The following DLGAP4 variants were observed in gnomAD, a reference collection of about 807,000 sequenced individuals.
The protein encoded by DLGAP4 is disks large-associated protein 4.
A neutral mutation model predicts 86.9 loss-of-function variants in DLGAP4; 18 were observed. The observed-to-expected ratio is 0.21, with a 90% CI of 0.14 to 0.31. The LOEUF (loss-of-function observed/expected upper bound fraction) is 0.31, where lower values mean the gene tolerates loss of function less well. DLGAP4 is among the 10% of genes least tolerant of loss of function. The pLI, the probability that DLGAP4 is intolerant of heterozygous loss-of-function variation, is 1.00. For synonymous variants in DLGAP4, 548 were observed against 574.3 expected, an observed-to-expected ratio of 0.95 and a Z score of 0.65; for missense variants, 1,085 against 1,362.6, an observed-to-expected ratio of 0.80 and a Z score of 3.21.
At chr20:36,508,444 T>C (rs892896013) in intron 10 of DLGAP4, among the ~76,000 whole-genome samples, 1 of 148,244 alleles carries the variant, frequency 6.7e-6, no homozygotes, top group African/African-American at 2.5e-5. Flanking sequence ...TTTTTTTTTT[T>C]TGAGATGGAG....
At chr20:36,438,977 G>A (rs2033369607) in intron 4 of DLGAP4, among the ~76,000 whole-genome samples, 1 of 152,134 alleles carries the variant, frequency 6.6e-6, no homozygotes. Flanking sequence ...ACCCCTTCTA[G>A]TACGGAGATC....
chr20:36,462,105 C>T (rs2034111097), intron 7 of DLGAP4: 2 of 998,718 alleles, frequency 2.0e-6, no homozygotes, highest in Non-Finnish European at 2.4e-6. Flanking sequence ...GTCTCGCCTC[C>T]TCTGAACCCC....
intron 1 of DLGAP4, among the ~76,000 whole-genome samples, chr20:36,320,768 C>T (rs2065160198): frequency 6.6e-6 from 1 of 152,094 alleles, no homozygotes; most frequent in African/African-American, 2.4e-5. Flanking sequence ...GAGACAGAGG[C>T]CTGGCCCTCT....
intron 1 of DLGAP4, among the ~76,000 whole-genome samples, chr20:36,349,681 C>T (rs2030079636): frequency 6.6e-6 from 1 of 152,088 alleles, no homozygotes; most frequent in African/African-American, 2.4e-5. Context: ...ATGGATATGA[C>T]GTGCCCAGCA....
At chr20:36,520,668 G>A (rs1310762772) in intron 10 of DLGAP4, among the ~76,000 whole-genome samples, 3 of 151,618 alleles carry the variant, frequency 2.0e-5, no homozygotes, top group African/African-American at 7.3e-5. Context: ...AGTGTCCTTC[G>A]ATGCATAAAA....
intron 2 of DLGAP4, among the ~76,000 whole-genome samples, chr20:36,398,013 C>G (rs2032049453): frequency 6.6e-6 from 1 of 152,130 alleles, no homozygotes; most frequent in Non-Finnish European, 1.5e-5. Flanking sequence ...CCCAGCTACT[C>G]AGGAGGCTGA....
intron 1 of DLGAP4, among the ~76,000 whole-genome samples, chr20:36,310,315 T>C (rs2147329881): frequency 6.6e-6 from 1 of 152,262 alleles, no homozygotes; most frequent in Admixed American, 6.5e-5. Flanking sequence ...CTGAGGGTTA[T>C]GTGTCCTTCT....
chr20:36,526,598 G>A (rs183114297), intron 12 of DLGAP4, among the ~76,000 whole-genome samples: 1 of 151,982 alleles, frequency 6.6e-6, no homozygotes, highest in African/African-American at 2.4e-5. Flanking sequence ...GAGCGCTCTC[G>A]GAGTCTAGGC....
Position 36,489,908 on chromosome 20 carries a change from G to A in DLGAP4, c.1649-6797G>A, listed in dbSNP as rs189054367. Reference sequence around the variant, plus strand: ...GAGTCTTGCTCTGTCACCCAGGCTGGAGTGCAGTGGCGCAATCCTGGCTCA... The same window carrying A: ...GAGTCTTGCTCTGTCACCCAGGCTGAAGTGCAGTGGCGCAATCCTGGCTCA... On this transcript the variant is annotated intron_variant, in intron 7 of 12. Transcript: ENST00000339266. 1.8e-3 allele frequency among the ~76,000 whole-genome samples: 268 copies of A among 148,098 alleles called. 1 individual carries two copies. The highest frequency in any genetic ancestry group is 6.5e-3 in the African/African-American group (260 of 39,800).
intron 7 of DLGAP4, among the ~76,000 whole-genome samples, chr20:36,491,854 A>G (rs1245119833): frequency 6.6e-6 from 1 of 152,158 alleles, no homozygotes; most frequent in East Asian, 1.9e-4. Flanking sequence ...AATTATTGAG[A>G]GCCTTTGTGC....
chr20:36,479,921 T>TGCCCA (rs1337015439), intron 7 of DLGAP4, among the ~76,000 whole-genome samples: 9 of 152,068 alleles, frequency 5.9e-5, no homozygotes, highest in African/African-American at 1.9e-4. Context: ...GGGCCTGGGA[T>TGCCCA]TGGGCAGCAG....
intron 2 of DLGAP4, among the ~76,000 whole-genome samples, chr20:36,420,528 C>T (rs763450966): frequency 6.6e-6 from 1 of 152,238 alleles, no homozygotes; most frequent in South Asian, 2.1e-4. Flanking sequence ...GAAATGAGGT[C>T]GGGAAAGCCA....
At chr20:36,334,268 G>A (rs1480092165) in intron 1 of DLGAP4, among the ~76,000 whole-genome samples, 2 of 152,180 alleles carry the variant, frequency 1.3e-5, no homozygotes, top group East Asian at 3.9e-4. Context: ...AGTTATCAGA[G>A]ACTTTTCAGG....
chr20:36,365,317 C>T (rs532042783), intron 1 of DLGAP4, among the ~76,000 whole-genome samples: 3 of 152,232 alleles, frequency 2.0e-5, no homozygotes, highest in South Asian at 2.1e-4. Flanking sequence ...CGGTCAGGAA[C>T]GCATCTTCTC....
At chr20:36,401,365 G>C (rs1056253718) in intron 2 of DLGAP4, among the ~76,000 whole-genome samples, 1 of 152,188 alleles carries the variant, frequency 6.6e-6, no homozygotes, top group Admixed American at 6.5e-5. Flanking sequence ...CTCCCTGGCG[G>C]GTCCAGACAG....
intron 7 of DLGAP4, among the ~76,000 whole-genome samples, chr20:36,493,491 A>G (rs1464616828): frequency 6.6e-6 from 1 of 152,238 alleles, no homozygotes; most frequent in Non-Finnish European, 1.5e-5. Context: ...GAGTTCTGAG[A>G]AGCCCAGAGG....
chr20:36,486,627 T>G (rs961725917), intron 7 of DLGAP4, among the ~76,000 whole-genome samples: 1 of 146,570 alleles, frequency 6.8e-6, no homozygotes, highest in Non-Finnish European at 1.5e-5. Context: ...GCCTTTTTTT[T>G]GAGATGAAAT....
chr20:36,399,743 G>A (rs1299733438), intron 2 of DLGAP4, among the ~76,000 whole-genome samples: 1 of 152,200 alleles, frequency 6.6e-6, no homozygotes, highest in Non-Finnish European at 1.5e-5. Context: ...GTGCAGATTC[G>A]AGGATTCCAG....
chr20:36,452,059 G>A (rs767849259), intron 7 of DLGAP4, among the ~76,000 whole-genome samples: 10 of 152,102 alleles, frequency 6.6e-5, no homozygotes, highest in East Asian at 1.9e-4. Context: ...CATGCCTAAC[G>A]AGGCTGTATC....
Sources: gnomAD v4.1 joint callset for allele counts (sites outside exome capture counted in the v4.1 genomes callset) on GRCh38, gnomAD v4.1.1 for gene constraint, MANE v1.5 for transcripts, NCBI Gene and HGNC (gene_info 2026-07-23, HGNC 2026-07-21) for gene names.